Variants in RYR2 observed in about 807,000 individuals in gnomAD.
RYR2 encodes cardiac muscle ryanodine receptor-calcium release channel.
Under a neutral mutation model 601.1 loss-of-function variants are expected in RYR2, and 227 were observed. The ratio of observed to expected loss-of-function variants is 0.38; its 90% CI spans 0.34 to 0.42. RYR2 has a LOEUF of 0.42. Ranked by LOEUF, RYR2 falls within the 10% of genes least tolerant of loss-of-function variation. The pLI is 1.00. For synonymous variants in RYR2, 2,223 were observed against 2,175.1 expected, an observed-to-expected ratio of 1.02 and a Z score of -0.61; for missense variants, 4,646 against 6,156.5, an observed-to-expected ratio of 0.75 and a Z score of 8.21.
intron 25 of RYR2, among the ~76,000 whole-genome samples, chr1:237,541,797 G>A (rs1357666199): frequency 6.6e-6 from 1 of 152,048 alleles, no homozygotes; most frequent in African/African-American, 2.4e-5. Context: ...TTCAGTGGGG[G>A]AGCTTTTTGA....
At chr1:237,751,148 T>C (rs539098469) in intron 80 of RYR2, among the ~76,000 whole-genome samples, 1 of 152,346 alleles carries the variant, frequency 6.6e-6, no homozygotes, top group Admixed American at 6.5e-5. Context: ...AGCTTTGTAT[T>C]CTTAGTGGTC....
chr1:237,097,432 TG>T (rs1667607948), intron 1 of RYR2, among the ~76,000 whole-genome samples: 1 of 152,224 alleles, frequency 6.6e-6, no homozygotes. Context: ...TTTCTTTTAT[TG>T]GGTGACGGTT....
At chr1:237,090,006 T>C (rs1454942907) in intron 1 of RYR2, among the ~76,000 whole-genome samples, 3 of 152,192 alleles carry the variant, frequency 2.0e-5, no homozygotes, top group African/African-American at 7.2e-5. Context: ...CTTACAATCA[T>C]GGCAGAAGGC....
intron 63 of RYR2, among the ~76,000 whole-genome samples, chr1:237,692,676 G>A (rs1687052320): frequency 1.3e-5 from 2 of 152,094 alleles, no homozygotes; most frequent in African/African-American, 4.8e-5. Flanking sequence ...CCTGAGTAAA[G>A]GACCCTCACA....
intron 12 of RYR2, among the ~76,000 whole-genome samples, chr1:237,432,739 A>G (rs1030478909): frequency 6.6e-6 from 1 of 152,138 alleles, no homozygotes; most frequent in Non-Finnish European, 1.5e-5. Flanking sequence ...TCGTTGGTTA[A>G]AAGTAGAGCA....
Position 237,082,868 on chromosome 1 carries a change from T to C in RYR2, c.48+40299T>C, listed in dbSNP as rs978989899. ...TTGATCTCCTTGCTATTATATCGCC[T>C]TGCTATTCTTATAAAATACTAGAGA... On this transcript the variant is annotated intron_variant, in intron 1 of 104. Coordinates refer to ENST00000366574, the MANE Select transcript of RYR2 (RefSeq NM_001035.3). 2.0e-5 allele frequency among the ~76,000 whole-genome samples: 3 copies of C among 152,300 alleles called. No individual in the cohort carries two copies. In the South Asian group the frequency reaches 6.2e-4, roughly 32 times the overall value.
At chr1:237,410,745 G>C (rs933747613) in intron 10 of RYR2, among the ~76,000 whole-genome samples, 1 of 152,132 alleles carries the variant, frequency 6.6e-6, no homozygotes, top group Admixed American at 6.6e-5. Context: ...AAGTCATAGT[G>C]GTGGGTGTCA....
chr1:237,584,649 G>GTTTTTTGTTT lies in RYR2; in HGVS notation c.3599-5138_3599-5137insGTTTTTTTTT, dbSNP rs763528934. On this transcript the variant is annotated intron_variant, in intron 29 of 104. Transcript: ENST00000366574. Reference sequence around the variant, plus strand: ...AAGGCCCAAATCCAGCTCACCACCTGTTTTTTTTTTTTTTTTTTTTTTTTG... The same window carrying GTTTTTTGTTT: ...AAGGCCCAAATCCAGCTCACCACCTGTTTTTTGTTTTTTTTTTTTTTTTTTTTTTTTTTTG... Among the ~76,000 whole-genome samples the GTTTTTTGTTT allele has an allele frequency of 5.1e-3, 369 of 72,338 alleles. 2 individuals carry two copies. The highest frequency in any genetic ancestry group is 0.015 in the Middle Eastern group (1 of 66). The allele number at this position is 72,338 out of a possible 152,430, so 47.5% of individuals were successfully genotyped here. A position where few individuals can be genotyped will look rare whatever the true frequency, so the allele number is the denominator to read the frequency against.
chr1:237,522,333 T>C (rs1667172342), intron 24 of RYR2, among the ~76,000 whole-genome samples: 2 of 152,226 alleles, frequency 1.3e-5, no homozygotes, highest in Admixed American at 6.5e-5. Context: ...TCTCATAATA[T>C]TTTAAGAAAG....
At chr1:237,684,287 T>C (rs1022845732) in intron 62 of RYR2, among the ~76,000 whole-genome samples, 2 of 151,992 alleles carry the variant, frequency 1.3e-5, no homozygotes, top group Non-Finnish European at 2.9e-5. Context: ...GTCTGAGGCC[T>C]GAAGATAAAC....
chr1:237,114,743 T>C (rs1669871237), intron 1 of RYR2, among the ~76,000 whole-genome samples: 1 of 152,208 alleles, frequency 6.6e-6, no homozygotes, highest in Admixed American at 6.5e-5. Context: ...TGGCTTCACA[T>C]CCCAGCCCTA....
chr1:237,151,122 A>G (rs1372915753), intron 1 of RYR2, among the ~76,000 whole-genome samples: 1 of 152,166 alleles, frequency 6.6e-6, no homozygotes, highest in Non-Finnish European at 1.5e-5. Context: ...AAATAGTTTT[A>G]GAGGTTATTT....
chr1:237,540,911 G>A (rs1037501468), intron 25 of RYR2, among the ~76,000 whole-genome samples: 88 of 148,782 alleles, frequency 5.9e-4, no homozygotes, highest in Middle Eastern at 3.5e-3. Flanking sequence ...ATGTGTGTGT[G>A]TATATATATA....
At chr1:237,667,846 T>A (rs1457782826) in intron 57 of RYR2, 37 bp from the exon 58 acceptor site, 2 of 1,446,744 alleles carry the variant, frequency 1.4e-6, no homozygotes, top group African/African-American at 1.4e-5. Flanking sequence ...TATCCTTTTT[T>A]ACTTATTGAA....
At chr1:237,709,299 A>T (rs978285310) in intron 69 of RYR2, among the ~76,000 whole-genome samples, 181 bp from the exon 70 acceptor site, 2 of 152,180 alleles carry the variant, frequency 1.3e-5, no homozygotes, top group African/African-American at 4.8e-5. Context: ...CTGATTTTGC[A>T]TGTAAAAGTT....
intron 3 of RYR2, among the ~76,000 whole-genome samples, chr1:237,353,891 C>G (rs1699075940): frequency 6.6e-6 from 1 of 152,042 alleles, no homozygotes; most frequent in Non-Finnish European, 1.5e-5. Context: ...TGCGTAAATT[C>G]TAAAATTGGT....
In RYR2 at chr1:237,148,525, AAAATAT is replaced by A. The variant is rs1478189939; in HGVS notation, c.48+105958_48+105963del. ...TCCCAGAACTTCAAGTAAAAAAAAA[AAAATAT>A]ATATATATATATATATATATATACA... On this transcript the variant is annotated intron_variant, in intron 1 of 104. Transcript: ENST00000366574. Among the ~76,000 whole-genome samples, 30 of 81,538 alleles carry A rather than the reference AAAATAT, an allele frequency of 3.7e-4. No homozygotes were observed. In the East Asian group the frequency reaches 5.3e-3, roughly 14 times the overall value. The allele number at this position is 81,538 out of a possible 152,430, so 53.5% of individuals were successfully genotyped here. A position where few individuals can be genotyped will look rare whatever the true frequency, so the allele number is the denominator to read the frequency against.
intron 2 of RYR2, among the ~76,000 whole-genome samples, chr1:237,300,894 C>A (rs1693283051): frequency 6.6e-6 from 1 of 151,948 alleles, no homozygotes; most frequent in Non-Finnish European, 1.5e-5. Flanking sequence ...CAATGTGGAA[C>A]CAAATATGTA....
At chr1:237,127,461 G>T (rs973982060) in intron 1 of RYR2, among the ~76,000 whole-genome samples, 21 of 151,016 alleles carry the variant, frequency 1.4e-4, no homozygotes, top group African/African-American at 4.9e-4. Flanking sequence ...GCCGGGCAGG[G>T]GGCTGACCCC....
Sources: allele counts gnomAD v4.1 joint callset (sites outside exome capture counted in the v4.1 genomes callset), GRCh38; gene constraint gnomAD v4.1.1; transcripts MANE v1.5; gene names NCBI Gene and HGNC (gene_info 2026-07-23, HGNC 2026-07-21).